The following FARP2 variants were observed in gnomAD, a reference collection of about 807,000 sequenced individuals.
FARP2 encodes the protein FERM, ARHGEF and pleckstrin domain-containing protein 2.
A neutral mutation model predicts 130.5 loss-of-function variants in FARP2; 111 were observed. That is an observed-to-expected ratio of 0.85 (90% CI 0.73 to 1.00). The LOEUF is 1.00. FARP2 is among the 50% of genes least tolerant of loss of function. FARP2 has a pLI of 0.00. For missense variants in FARP2, 1,385 were observed against 1,346.3 expected, an observed-to-expected ratio of 1.03 and a Z score of -0.45; for synonymous variants, 504 against 516.9, an observed-to-expected ratio of 0.98 and a Z score of 0.34.
chr2:241,440,905 T>C (rs1472934816), intron 12 of FARP2, among the ~76,000 whole-genome samples: 1 of 152,150 alleles, frequency 6.6e-6, no homozygotes, highest in East Asian at 1.9e-4. Flanking sequence ...AATCCCAGCA[T>C]GTTGGAAGGC....
At chr2:241,383,557 G>A (rs2061711426) in intron 2 of FARP2, among the ~76,000 whole-genome samples, 2 of 152,218 alleles carry the variant, frequency 1.3e-5, no homozygotes, top group South Asian at 4.1e-4. Context: ...GGAGGGAAAT[G>A]GAACTCCACC....
intron 19 of FARP2, among the ~76,000 whole-genome samples, chr2:241,477,138 T>TTA (rs2064491511): frequency 6.7e-6 from 1 of 149,128 alleles, no homozygotes; most frequent in Admixed American, 6.7e-5. Context: ...TTTTTTTTTT[T>TTA]TTTTTTATTT....
intron 8 of FARP2, among the ~76,000 whole-genome samples, chr2:241,428,461 G>A (rs568252609): frequency 6.6e-6 from 1 of 151,314 alleles, no homozygotes; most frequent in African/African-American, 2.4e-5. Flanking sequence ...CTCCCAAAGT[G>A]CTGGGATCAC....
At chr2:241,389,016 C>T (rs933484496) in intron 2 of FARP2, among the ~76,000 whole-genome samples, 1 of 152,094 alleles carries the variant, frequency 6.6e-6, no homozygotes, top group African/African-American at 2.4e-5. Context: ...TGAGGTGGCT[C>T]ATGCCTGTAA....
chr2:241,380,557 A>C (rs982145994), intron 2 of FARP2, among the ~76,000 whole-genome samples: 1 of 152,108 alleles, frequency 6.6e-6, no homozygotes, highest in African/African-American at 2.4e-5. Context: ...TATGCTTATT[A>C]GTCAAGCATC....
rs567636157 is a variant in FARP2, at chr2:241,462,445, T to C, written c.1588-78T>C. 18 of 974,084 alleles carry C rather than the reference T, an allele frequency of 1.8e-5. No homozygotes were observed. In the African/African-American group the frequency reaches 2.7e-4, roughly 15 times the overall value. The allele number at this position is 974,084 out of a possible 1,614,324, so 60.3% of individuals were successfully genotyped here. The stretch of plus-strand genomic sequence containing the variant: ...ACCTTGAGCAGAAGAAAGCAAACAT[T>C]ACCAACTTCAGGCTCCCTGAGCGTG... On this transcript the variant is annotated intron_variant, in intron 14 of 26. Coordinates refer to ENST00000264042, the MANE Select transcript of FARP2 (RefSeq NM_014808.4).
intron 24 of FARP2, chr2:241,492,619 G>T: frequency 3.8e-6 from 1 of 264,750 alleles, no homozygotes; most frequent in South Asian, 7.6e-5. Flanking sequence ...TCAATGTACT[G>T]TCTCTTAAGG....
rs919223104 is a variant in FARP2 at position 241,494,370 on chromosome 2, C to T, written c.*245C>T. ...AATGTGCGAGTCTTGAGCGCGGAGC[C>T]GCTCAAGCCACAGCTCCCAGGCCCC... On this transcript the variant is annotated 3_prime_UTR_variant, in exon 27 of 27. Coordinates refer to ENST00000264042, the MANE Select transcript of FARP2 (RefSeq NM_014808.4). This position sits in a 1 kb window ranked among gnomAD's most constrained non-coding sequence, Gnocchi z 4.9. The T allele has an allele frequency of 6.3e-6, 2 of 318,506 alleles. No individual in the cohort carries two copies. The highest frequency in any genetic ancestry group is 4.8e-5 in the East Asian group (1 of 20,646). 19.7% of individuals were successfully genotyped at this position (318,506 alleles called of 1,614,324 possible).
intron 8 of FARP2, among the ~76,000 whole-genome samples, chr2:241,423,295 T>G (rs755104502): frequency 3.9e-5 from 6 of 152,166 alleles, no homozygotes; most frequent in Non-Finnish European, 5.9e-5. Flanking sequence ...CAGAAGAGAT[T>G]GGGGGCCAAT....
chr2:241,465,084 T>C (rs923158874), intron 17 of FARP2, among the ~76,000 whole-genome samples: 1 of 152,010 alleles, frequency 6.6e-6, no homozygotes, highest in African/African-American at 2.4e-5. Context: ...TCAGGGCCCT[T>C]ACCAGCCCCA....
At chr2:241,457,389 T>C (rs28630927) in intron 14 of FARP2, among the ~76,000 whole-genome samples, 13,691 of 89,218 alleles carry the variant, frequency 0.15, 1,995 homozygotes, top group Middle Eastern at 0.3. Context: ...CACTAGGGAC[T>C]GCTTTGGGTT....
intron 15 of FARP2, 106 bp from the exon 16 acceptor site, chr2:241,463,229 C>A: frequency 8.2e-7 from 1 of 1,226,850 alleles, no homozygotes; most frequent in Non-Finnish European, 1.1e-6. Flanking sequence ...TAGGCGGTGA[C>A]TGGAGGGTCA....
chr2:241,476,127 C>T lies in FARP2; in HGVS notation c.2262+140C>T, dbSNP rs2064451673. 9.2e-6 allele frequency: 6 copies of T among 653,534 alleles called. No homozygotes were observed. In the South Asian group the frequency reaches 1.2e-4, roughly 13 times the overall value. 40.5% of individuals were successfully genotyped at this position (653,534 alleles called of 1,614,324 possible). ...GTGGCTCATACCTGTAATCTGAATA[C>T]TTTGGGAGGCTGAGGTGGGAGGATC... On this transcript the variant is annotated intron_variant, in intron 19 of 26. Coordinates refer to ENST00000264042, the MANE Select transcript of FARP2 (RefSeq NM_014808.4).
rs111699169 is a variant in FARP2, at chr2:241,446,685, A to T, written c.1411+5129A>T. 1.5e-3 allele frequency: 233 copies of T among 152,326 alleles called. 2 individuals are homozygous for T. The highest frequency in any genetic ancestry group is 5.1e-3 in the African/African-American group (211 of 41,588). 9.4% of individuals were successfully genotyped at this position (152,326 alleles called of 1,614,324 possible). ...CATTGCTGGAAAAATTATTTCATAGACAAAAATGTTAATGTTCTCTTGGGG... is the reference window on the plus strand; with the variant it reads ...CATTGCTGGAAAAATTATTTCATAGTCAAAAATGTTAATGTTCTCTTGGGG... On this transcript the variant is annotated intron_variant, in intron 13 of 26. Transcript: ENST00000264042.
chr2:241,459,627 G>T lies in FARP2; in HGVS notation c.1587+2705G>T, dbSNP rs892816017. 3.3e-5 allele frequency among the ~76,000 whole-genome samples: 5 copies of T among 152,218 alleles called. No homozygotes were observed. Among genetic ancestry groups the T allele is most frequent in the African/African-American group, 1.2e-4 (5 of 41,460 alleles). ...CATGGGCACATAGACCCTTCATGTG[G>T]GGACAGGTGGCGAAGCTCACAGGAA... On this transcript the variant is annotated intron_variant, in intron 14 of 26. Coordinates refer to ENST00000264042, the MANE Select transcript of FARP2 (RefSeq NM_014808.4). This position sits in a 1 kb window ranked among gnomAD's most constrained non-coding sequence, Gnocchi z 5.3.
intron 2 of FARP2, among the ~76,000 whole-genome samples, chr2:241,380,645 A>C (rs986053350): frequency 4.0e-5 from 6 of 151,426 alleles, no homozygotes; most frequent in African/African-American, 1.5e-4. Flanking sequence ...AAATTTTTTG[A>C]ATTTTGGAGC....
chr2:241,463,735 A>G, intron 16 of FARP2, 164 bp from the exon 17 acceptor site: 1 of 689,448 alleles, frequency 1.5e-6, no homozygotes, highest in Non-Finnish European at 2.5e-6. Flanking sequence ...GACACATAAT[A>G]GCAGCTTCCA....
chr2:241,462,144 G>A lies in FARP2; in HGVS notation c.1588-379G>A, dbSNP rs560947955. Among the ~76,000 whole-genome samples the A allele has an allele frequency of 3.9e-5, 6 of 152,296 alleles. No homozygotes were observed. In the East Asian group the frequency reaches 5.8e-4, roughly 15 times the overall value. ...TCTGATGCAGGCACACTTAGAATGC[G>A]CACTGTTTGCTCATTTTAATGACTT... is the stretch of plus-strand genomic sequence containing the variant. On this transcript the variant is annotated intron_variant, in intron 14 of 26. Transcript: ENST00000264042.
At chr2:241,368,944 A>C (rs1319117592) in intron 1 of FARP2, among the ~76,000 whole-genome samples, 1 of 152,152 alleles carries the variant, frequency 6.6e-6, no homozygotes, top group Non-Finnish European at 1.5e-5. Flanking sequence ...ATGTGACAAC[A>C]AACAGATTTT....
Sources: allele counts gnomAD v4.1 joint callset (sites outside exome capture counted in the v4.1 genomes callset), GRCh38; gene constraint gnomAD v4.1.1; non-coding constraint Gnocchi (gnomAD v3.1); transcripts MANE v1.5; gene names NCBI Gene and HGNC (gene_info 2026-07-23, HGNC 2026-07-21).